Variants in BABAM2 observed in about 807,000 individuals in gnomAD.
The protein encoded by BABAM2 is BRISC and BRCA1 A complex member 2.
Under a neutral mutation model 54.7 loss-of-function variants are expected in BABAM2, and 31 were observed. That is an observed-to-expected ratio of 0.57 (90% CI 0.43 to 0.77). The LOEUF is 0.77. BABAM2 is among the 30% of genes least tolerant of loss of function. The pLI is 0.00. For missense variants in BABAM2, 364 were observed against 455.8 expected, an observed-to-expected ratio of 0.80 and a Z score of 1.83; for synonymous variants, 167 against 162.9, an observed-to-expected ratio of 1.03 and a Z score of -0.19.
At chr2:27,900,052 A>G (rs1391056124) in intron 2 of BABAM2, among the ~76,000 whole-genome samples, 2 of 152,226 alleles carry the variant, frequency 1.3e-5, no homozygotes, top group Non-Finnish European at 2.9e-5. Flanking sequence ...TTCTGTAACA[A>G]AACAATGACA....
intron 6 of BABAM2, among the ~76,000 whole-genome samples, chr2:28,092,055 C>T (rs6547827): frequency 0.059 from 9,019 of 151,946 alleles, 323 homozygotes; most frequent in East Asian, 0.15. Flanking sequence ...CATTATACCT[C>T]GTGAATGAGC....
At chr2:28,187,395 A>G (rs1457491930) in intron 7 of BABAM2, among the ~76,000 whole-genome samples, 1 of 152,156 alleles carries the variant, frequency 6.6e-6, no homozygotes, top group Non-Finnish European at 1.5e-5. Context: ...TCTTATATCC[A>G]CAGAACTGTG....
chr2:28,231,853 G>A (rs1437169974), intron 7 of BABAM2, among the ~76,000 whole-genome samples: 2 of 128,878 alleles, frequency 1.6e-5, no homozygotes, highest in Non-Finnish European at 1.6e-5. Flanking sequence ...AGTCACCCAG[G>A]CTAGAGTGCA....
chr2:28,158,257 C>A lies in BABAM2; in HGVS notation c.680+28877C>A, dbSNP rs548419899. ...TAATAAAAAAACTCAAAAATAAAAA[C>A]AACAAAATGTTTATATCAGGTTTAA... On this transcript the variant is annotated intron_variant, in intron 7 of 11. Transcript: ENST00000379624. 1.8e-4 allele frequency among the ~76,000 whole-genome samples: 27 copies of A among 152,060 alleles called. 1 individual carries two copies. The East Asian group carries it at 5.2e-3, about 29-fold the overall frequency.
chr2:28,213,266 G>T (rs1679635071), intron 7 of BABAM2, among the ~76,000 whole-genome samples: 2 of 152,028 alleles, frequency 1.3e-5, no homozygotes, highest in South Asian at 4.1e-4. Context: ...CTTTTATATG[G>T]AGATGTCTAT....
At chr2:28,017,180 A>T (rs1380918313) in intron 4 of BABAM2, among the ~76,000 whole-genome samples, 3 of 152,264 alleles carry the variant, frequency 2.0e-5, no homozygotes, top group Non-Finnish European at 4.4e-5. Flanking sequence ...TAGAGGAATT[A>T]TACATACTTA....
At chr2:28,154,593 G>A (rs966191760) in intron 7 of BABAM2, among the ~76,000 whole-genome samples, 91 of 152,022 alleles carry the variant, frequency 6.0e-4, no homozygotes, top group Non-Finnish European at 2.9e-5. Flanking sequence ...TATTCCTTCT[G>A]GTGCCTTCAT....
At chr2:28,078,748 G>T (rs1023884159) in intron 6 of BABAM2, among the ~76,000 whole-genome samples, 4 of 152,154 alleles carry the variant, frequency 2.6e-5, no homozygotes, top group Non-Finnish European at 5.9e-5. Flanking sequence ...TTGCCTTTCA[G>T]ACATCTAGGT....
chr2:28,277,919 A>G (rs188336063), intron 10 of BABAM2, among the ~76,000 whole-genome samples: 210 of 152,358 alleles, frequency 1.4e-3, no homozygotes, highest in African/African-American at 4.9e-3. Flanking sequence ...ACATGTGTAG[A>G]AACCCCCTCA....
chr2:27,996,309 A>G (rs1205370970), intron 4 of BABAM2: 1 of 154,864 alleles, frequency 6.5e-6, no homozygotes, highest in Non-Finnish European at 1.5e-5. Flanking sequence ...TGCTGAGTCG[A>G]AGCTAGTTTA....
intron 7 of BABAM2, among the ~76,000 whole-genome samples, chr2:28,141,856 G>T (rs138502287): frequency 1.3e-5 from 2 of 152,118 alleles, no homozygotes; most frequent in Non-Finnish European, 2.9e-5. Flanking sequence ...TGGATGGGGG[G>T]TATGTCAGGT....
chr2:28,037,779 C>G (rs1368383926), intron 5 of BABAM2, among the ~76,000 whole-genome samples: 1 of 152,136 alleles, frequency 6.6e-6, no homozygotes, highest in Non-Finnish European at 1.5e-5. Context: ...TCCTGTTGAC[C>G]TAACTCTTCA....
intron 7 of BABAM2, among the ~76,000 whole-genome samples, chr2:28,156,990 GAAAAC>G (rs1672600947): frequency 1.3e-5 from 2 of 152,080 alleles, no homozygotes; most frequent in African/African-American, 4.8e-5. Context: ...TTTCTCTTTA[GAAAAC>G]AAATGTATTG....
At chr2:28,222,585 A>G (rs1336633154) in intron 7 of BABAM2, among the ~76,000 whole-genome samples, 1 of 152,236 alleles carries the variant, frequency 6.6e-6, no homozygotes, top group Non-Finnish European at 1.5e-5. Flanking sequence ...TGTGCTATTA[A>G]TACTGCTCTA....
chr2:27,898,957 TAA>T (rs944907147), intron 2 of BABAM2, among the ~76,000 whole-genome samples: 2 of 143,338 alleles, frequency 1.4e-5, no homozygotes, highest in Non-Finnish European at 1.5e-5. Context: ...AAGCTGTCAT[TAA>T]AAAAAAAAAA....
At chr2:27,955,089 A>G (rs1283891553) in intron 3 of BABAM2, among the ~76,000 whole-genome samples, 2 of 152,222 alleles carry the variant, frequency 1.3e-5, no homozygotes, top group East Asian at 3.9e-4. Context: ...CTGCTCTCTC[A>G]GAAATGTAAC....
chr2:28,240,034 G>T (rs1356136143), intron 8 of BABAM2, among the ~76,000 whole-genome samples: 1 of 151,798 alleles, frequency 6.6e-6, no homozygotes, highest in East Asian at 1.9e-4. Context: ...TGGAAATACA[G>T]AGAGTAAAGG....
At chr2:28,211,434 C>A (rs1272186457) in intron 7 of BABAM2, among the ~76,000 whole-genome samples, 2 of 112,706 alleles carry the variant, frequency 1.8e-5, no homozygotes, top group Admixed American at 2.7e-4. Flanking sequence ...GTTGCCCAGG[C>A]TGGAGTACAG....
At chr2:27,890,411 A>T, upstream of BABAM2, 1 of 1,479,958 alleles carries the variant, frequency 6.8e-7, no homozygotes, top group Non-Finnish European at 9.2e-7. The surrounding 1 kb of genome is among the most constrained non-coding windows in gnomAD (Gnocchi z 4.8). Context: ...CCGTAACCAG[A>T]GACGCCACTC....
Sources: allele counts gnomAD v4.1 joint callset (sites outside exome capture counted in the v4.1 genomes callset), GRCh38; gene constraint gnomAD v4.1.1; non-coding constraint Gnocchi (gnomAD v3.1); transcripts MANE v1.5; gene names NCBI Gene and HGNC (gene_info 2026-07-23, HGNC 2026-07-21).